ESR2: variants seen among roughly 807,000 people sequenced by gnomAD.
ESR2 encodes estrogen receptor 2.
ESR2 carries 36 observed loss-of-function variants against 49.6 expected under a neutral mutation model. That is an observed-to-expected ratio of 0.73 (90% CI 0.56 to 0.96). The LOEUF is 0.96. ESR2 is among the 40% of genes least tolerant of loss of function. ESR2 has a pLI of 0.00. For synonymous variants in ESR2, 320 were observed against 266.1 expected (o/e 1.20, Z -1.97); for missense variants, 714 against 693.0 (o/e 1.03, Z -0.34).
chr14:64,297,156 A>G (rs17226060), upstream of ESR2, among the ~76,000 whole-genome samples: 2,483 of 152,294 alleles, frequency 0.016, 70 homozygotes, highest in East Asian at 0.086. Context: ...TGTCTCCAAA[A>G]TATCCTACAA....
intron 1 of ESR2, among the ~76,000 whole-genome samples, chr14:64,304,394 G>T (rs2077063973): frequency 6.6e-6 from 1 of 152,144 alleles, no homozygotes; most frequent in Non-Finnish European, 1.5e-5. Flanking sequence ...TATAAGGAGG[G>T]GTAATGATCT....
intron 7 of ESR2, among the ~76,000 whole-genome samples, chr14:64,240,099 A>G (rs529807532): frequency 6.6e-6 from 1 of 152,396 alleles, no homozygotes; most frequent in East Asian, 1.9e-4. Context: ...GTAGATATGC[A>G]TAACCCAGAA....
intron 4 of ESR2, among the ~76,000 whole-genome samples, chr14:64,262,486 G>A (rs2076243654): frequency 6.6e-6 from 1 of 152,178 alleles, no homozygotes; most frequent in Non-Finnish European, 1.5e-5. Flanking sequence ...CAAAATCAGA[G>A]AGGAATGATT....
At chr14:64,268,172 T>A (rs2076369547) in intron 4 of ESR2, among the ~76,000 whole-genome samples, 1 of 152,220 alleles carries the variant, frequency 6.6e-6, no homozygotes, top group Admixed American at 6.5e-5. Flanking sequence ...TGTATGTGAG[T>A]GTACAAAATA....
intron 3 of ESR2, 24 bp from the exon 4 acceptor site, chr14:64,268,935 A>C (rs775889066): frequency 3.1e-6 from 4 of 1,289,732 alleles, no homozygotes; most frequent in Non-Finnish European, 4.5e-6. Flanking sequence ...GGAGGGAAAA[A>C]AAGATTATTG....
In ESR2 at chr14:64,253,560, T is replaced by TTGTGTGTGTGTGTG. The variant is rs752711685; in HGVS notation, c.1091+3652_1091+3665dup. Among the ~76,000 whole-genome samples the TTGTGTGTGTGTGTG allele has an allele frequency of 1.0e-3, 138 of 136,632 alleles. 1 individual carries two copies. The highest frequency in any genetic ancestry group is 7.6e-3 in the Middle Eastern group (2 of 264). 89.6% of individuals were successfully genotyped at this position (136,632 alleles called of 152,430 possible). ...TGGGCCTCCCTTAGGGGTACACTATTTGTGTGTGTGTGTGTGTGTGTGTGT... is the reference window on the plus strand; with the variant it reads ...TGGGCCTCCCTTAGGGGTACACTATTTGTGTGTGTGTGTGTGTGTGTGTGTGTGTGTGTGTGTGT... On this transcript the variant is annotated intron_variant, in intron 6 of 8. Transcript: ENST00000341099.
chr14:64,243,555 T>C (rs1206033975), intron 7 of ESR2, among the ~76,000 whole-genome samples: 1 of 152,246 alleles, frequency 6.6e-6, no homozygotes, highest in Non-Finnish European at 1.5e-5. Context: ...AGCTTTGTGC[T>C]GGGATGCAGT....
intron 8 of ESR2, chr14:64,234,298 C>T (rs2098730247): frequency 6.6e-6 from 1 of 152,588 alleles, no homozygotes; most frequent in Admixed American, 6.5e-5. Context: ...TTACCTTCCA[C>T]CCTCCCCTCC....
At chr14:64,302,200 A>T (rs552438514) in intron 1 of ESR2, among the ~76,000 whole-genome samples, 13 of 146,826 alleles carry the variant, frequency 8.9e-5, no homozygotes, top group Admixed American at 4.1e-4. Flanking sequence ...TTATTTATTT[A>T]TTTTTTGAGA....
intron 1 of ESR2, among the ~76,000 whole-genome samples, chr14:64,314,899 A>G (rs939230778): frequency 2.0e-5 from 3 of 150,494 alleles, no homozygotes; most frequent in Non-Finnish European, 4.4e-5. Flanking sequence ...AAAAAAAAAA[A>G]AAAGAAAAAT....
intron 1 of ESR2, among the ~76,000 whole-genome samples, chr14:64,316,537 G>A (rs112647201): frequency 2.0e-3 from 299 of 152,194 alleles, no homozygotes; most frequent in African/African-American, 6.9e-3. Flanking sequence ...GGCCAGGCAC[G>A]GTGGCTCTTG....
chr14:64,266,807 T>C (rs914355786), intron 4 of ESR2, among the ~76,000 whole-genome samples: 6 of 152,200 alleles, frequency 3.9e-5, no homozygotes, highest in South Asian at 2.1e-4. Context: ...TGGGTTTTTT[T>C]CCCCCAGTCT....
At chr14:64,268,600 C>G (rs1438863979) in intron 4 of ESR2, among the ~76,000 whole-genome samples, 195 bp downstream of exon 4, 1 of 152,328 alleles carries the variant, frequency 6.6e-6, no homozygotes, top group East Asian at 1.9e-4. Flanking sequence ...CTCCCATAAT[C>G]TGTTCCCATT....
rs969148526 is a variant in ESR2 at position 64,252,260 on chromosome 14, C to T, written c.1092-2581G>A. Among the ~76,000 whole-genome samples, 3 of 151,182 alleles carry T rather than the reference C, an allele frequency of 2.0e-5. 1 individual carries two copies. The highest frequency in any genetic ancestry group is 3.9e-4 in the East Asian group (2 of 5,150). ...CCAGGAGCCCAAGGTTGCAGTGAGCCGTGATGGCACCACTGCACTCCAGCC... is the reference window on the plus strand; with the variant it reads ...CCAGGAGCCCAAGGTTGCAGTGAGCTGTGATGGCACCACTGCACTCCAGCC... On this transcript the variant is annotated intron_variant, in intron 6 of 8. Transcript: ENST00000341099.
chr14:64,307,523 TTTTTG>T (rs1396284922), intron 1 of ESR2, among the ~76,000 whole-genome samples: 9 of 150,206 alleles, frequency 6.0e-5, no homozygotes, highest in East Asian at 3.9e-4. Flanking sequence ...TTTAACCTGT[TTTTTG>T]TTTTGTTTTG....
intron 7 of ESR2, among the ~76,000 whole-genome samples, chr14:64,242,427 CAAAA>C (rs1567735074): frequency 9.3e-6 from 1 of 107,298 alleles, no homozygotes; most frequent in African/African-American, 5.8e-5. Flanking sequence ...ACAAAAAAAA[CAAAA>C]CAAACAAACA....
chr14:64,318,537 CA>C (rs58597271), intron 1 of ESR2, among the ~76,000 whole-genome samples: 4,564 of 31,918 alleles, frequency 0.14, 12 homozygotes, highest in East Asian at 0.31. Flanking sequence ...AACTCCATCT[CA>C]AAAAAAAAAA....
intron 6 of ESR2, among the ~76,000 whole-genome samples, chr14:64,256,252 C>T (rs2140707369): frequency 6.6e-6 from 1 of 152,330 alleles, no homozygotes; most frequent in South Asian, 2.1e-4. Context: ...CCAGCTTTCC[C>T]TCCATAAACA....
chr14:64,268,877 C>A lies in ESR2; in HGVS notation c.570G>T (p.Gln190His). The A allele has an allele frequency of 6.2e-7, 1 of 1,613,128 alleles. No homozygotes were observed. Among genetic ancestry groups the A allele is most frequent in the East Asian group, 2.2e-5 (1 of 44,872 alleles). The part of the protein sequence containing the change: ...HNDYICPATN[Q>H]CTIDKNRRKS... ...TGCGCCGGTTTTTATCGATTGTACA[C>A]TGATTTGTAGCTGGACAAATATAAT... The change falls in exon 4 of 9, where the codon CAG (glutamine) becomes CAT (histidine). Residue 190 changes from glutamine to histidine, a missense_variant. Gln to His is a conservative substitution (Grantham distance 24). Coordinates refer to ENST00000341099, the MANE Select transcript of ESR2 (RefSeq NM_001437.3).
Sources: gnomAD v4.1 joint callset for allele counts (sites outside exome capture counted in the v4.1 genomes callset) on GRCh38, gnomAD v4.1.1 for gene constraint, MANE v1.5 for transcripts, NCBI Gene and HGNC (gene_info 2026-07-23, HGNC 2026-07-21) for gene names.